Variants in ENOX1 observed in about 807,000 individuals in gnomAD.
The protein encoded by ENOX1 is candidate growth-related and time keeping constitutive hydroquinone (NADH) oxidase.
Under a neutral mutation model 82.5 loss-of-function variants are expected in ENOX1, and 42 were observed. The observed-to-expected ratio is 0.51, with a 90% CI of 0.40 to 0.66. The LOEUF (loss-of-function observed/expected upper bound fraction) is 0.66, where lower values mean the gene tolerates loss of function less well. Among genes scored for constraint, ENOX1 ranks in the 30% least tolerant of loss-of-function variants. The pLI, the probability that ENOX1 is intolerant of heterozygous loss-of-function variation, is 0.00. For missense variants in ENOX1, 608 were observed against 811.6 expected, an observed-to-expected ratio of 0.75 and a Z score of 3.05; for synonymous variants, 271 against 282.2, an observed-to-expected ratio of 0.96 and a Z score of 0.40.
intron 3 of ENOX1, among the ~76,000 whole-genome samples, chr13:43,469,371 G>A (rs1036479455): frequency 6.6e-6 from 1 of 151,796 alleles, no homozygotes; most frequent in African/African-American, 2.4e-5. Flanking sequence ...CTAGTATCTT[G>A]CTGAGAATTT....
chr13:43,669,976 C>T (rs1377176608), intron 1 of ENOX1, among the ~76,000 whole-genome samples: 1 of 152,082 alleles, frequency 6.6e-6, no homozygotes, highest in Non-Finnish European at 1.5e-5. Flanking sequence ...AGTGTATTTC[C>T]TCCAACCCAC....
intron 2 of ENOX1, chr13:43,545,972 T>C (rs1474844734): frequency 6.6e-6 from 1 of 150,674 alleles, no homozygotes; most frequent in Admixed American, 6.7e-5. Context: ...CAGGAGGCAA[T>C]AGAACTATTT....
At chr13:43,740,900 G>A (rs1406867644) in intron 1 of ENOX1, among the ~76,000 whole-genome samples, 2 of 152,058 alleles carry the variant, frequency 1.3e-5, no homozygotes, top group African/African-American at 4.8e-5. Flanking sequence ...AAGGACATTG[G>A]CGTTGTTCCC....
At chr13:43,503,395 G>A (rs1359085363) in intron 2 of ENOX1, among the ~76,000 whole-genome samples, 2 of 151,572 alleles carry the variant, frequency 1.3e-5, no homozygotes, top group Non-Finnish European at 3.0e-5. Flanking sequence ...ATCCTAAAAC[G>A]TATATGAAAC....
At chr13:43,682,118 T>C (rs914726587) in intron 1 of ENOX1, among the ~76,000 whole-genome samples, 29 of 152,246 alleles carry the variant, frequency 1.9e-4, no homozygotes, top group African/African-American at 7.0e-4. Context: ...TCTGTTGTTG[T>C]TATATGTCAG....
intron 6 of ENOX1, 110 bp from the exon 7 acceptor site, chr13:43,360,167 TA>T: frequency 1.1e-6 from 1 of 891,412 alleles, no homozygotes; most frequent in South Asian, 1.7e-5. Flanking sequence ...TGAGTGACGG[TA>T]AATTTCTATG....
intron 1 of ENOX1, among the ~76,000 whole-genome samples, chr13:43,748,480 G>C (rs938145238): frequency 3.9e-5 from 6 of 152,174 alleles, no homozygotes; most frequent in Non-Finnish European, 8.8e-5. Context: ...AGCAGCCTAT[G>C]TATGAAACAG....
intron 11 of ENOX1, among the ~76,000 whole-genome samples, chr13:43,299,902 G>A (rs1566456488): frequency 1.3e-5 from 2 of 152,156 alleles, no homozygotes; most frequent in African/African-American, 2.4e-5. Flanking sequence ...AATCAAGGTC[G>A]CCTCCTGAGT....
intron 1 of ENOX1, among the ~76,000 whole-genome samples, chr13:43,766,207 G>C (rs921147469): frequency 6.6e-6 from 1 of 152,140 alleles, no homozygotes; most frequent in Non-Finnish European, 1.5e-5. Context: ...TGGAAAAACA[G>C]GTCCCTGATG....
At chr13:43,321,046 G>A in intron 11 of ENOX1, 1 of 456,210 alleles carries the variant, frequency 2.2e-6, no homozygotes. Flanking sequence ...TTTCAGACAA[G>A]GGATATATGG....
At chr13:43,765,824 G>A (rs539408998) in intron 1 of ENOX1, among the ~76,000 whole-genome samples, 9 of 152,204 alleles carry the variant, frequency 5.9e-5, no homozygotes, top group South Asian at 4.1e-4. Flanking sequence ...TTTTCACATC[G>A]TTAGGTAATG....
chr13:43,290,109 CTT>C (rs1226877417), intron 12 of ENOX1, among the ~76,000 whole-genome samples: 1 of 152,002 alleles, frequency 6.6e-6, no homozygotes, highest in Non-Finnish European at 1.5e-5. Context: ...AAAGGGAACA[CTT>C]ATACACTGTT....
intron 14 of ENOX1, among the ~76,000 whole-genome samples, chr13:43,247,488 G>A (rs2153465241): frequency 6.6e-6 from 1 of 152,156 alleles, no homozygotes; most frequent in South Asian, 2.1e-4. Context: ...GAAGCGTCAG[G>A]AGATTTTTCA....
At chr13:43,342,901 C>T (rs1453478085) in intron 9 of ENOX1, among the ~76,000 whole-genome samples, 1 of 152,204 alleles carries the variant, frequency 6.6e-6, no homozygotes, top group Non-Finnish European at 1.5e-5. Context: ...TCAGCCACAT[C>T]ACAGGGGCAT....
At chr13:43,666,404 T>C (rs140057546) in intron 2 of ENOX1, among the ~76,000 whole-genome samples, 1 of 152,266 alleles carries the variant, frequency 6.6e-6, no homozygotes, top group African/African-American at 2.4e-5. Flanking sequence ...TAAGATAAGG[T>C]CATTAGGGTG....
intron 1 of ENOX1, among the ~76,000 whole-genome samples, chr13:43,777,037 T>C (rs1160628330): frequency 6.6e-6 from 1 of 152,148 alleles, no homozygotes; most frequent in East Asian, 1.9e-4. Context: ...GAAGAGGAGT[T>C]CCAGTGAGCT....
At chr13:43,214,174 G>A in intron 16 of ENOX1, 53 bp from the exon 17 acceptor site, 1 of 1,579,616 alleles carries the variant, frequency 6.3e-7, no homozygotes, top group Non-Finnish European at 8.6e-7. Flanking sequence ...TCTTAAAGGA[G>A]GAATGGATTG....
At chr13:43,440,333 T>C (rs1323136) in intron 3 of ENOX1, among the ~76,000 whole-genome samples, 21,392 of 152,076 alleles carry the variant, frequency 0.14, 1,782 homozygotes, top group East Asian at 0.24. Context: ...ATTAAAGAAG[T>C]AGAAACAAGT....
At chr13:43,424,788 T>A (rs1030683843) in intron 3 of ENOX1, among the ~76,000 whole-genome samples, 2 of 152,144 alleles carry the variant, frequency 1.3e-5, no homozygotes, top group Non-Finnish European at 2.9e-5. Flanking sequence ...CCTGTGATGG[T>A]CCTTTTTGCT....
Sources: gnomAD v4.1 joint callset for allele counts (sites outside exome capture counted in the v4.1 genomes callset) on GRCh38, gnomAD v4.1.1 for gene constraint, MANE v1.5 for transcripts, NCBI Gene and HGNC (gene_info 2026-07-23, HGNC 2026-07-21) for gene names.